Variants in TMEM178B observed in about 807,000 individuals in gnomAD.
The protein encoded by TMEM178B is transmembrane protein 178B.
A neutral mutation model predicts 31.0 loss-of-function variants in TMEM178B; 5 were observed. That is an observed-to-expected ratio of 0.16 (90% CI 0.08 to 0.34). The LOEUF (loss-of-function observed/expected upper bound fraction) is 0.34. TMEM178B is among the 10% of genes least tolerant of loss of function. TMEM178B has a pLI of 1.00. For synonymous variants in TMEM178B, 164 were observed against 164.0 expected (o/e 1.00, Z 0.00); for missense variants, 275 against 400.3 (o/e 0.69, Z 2.67).
chr7:141,449,987 C>CCTA (rs1426375878), intron 3 of TMEM178B, among the ~76,000 whole-genome samples: 1 of 152,172 alleles, frequency 6.6e-6, no homozygotes, highest in African/African-American at 2.4e-5. Flanking sequence ...ACCTGCTCAT[C>CCTA]CTAACAGAGT....
intron 1 of TMEM178B, among the ~76,000 whole-genome samples, chr7:141,084,448 A>G (rs1321451167): frequency 6.6e-6 from 1 of 152,220 alleles, no homozygotes; most frequent in East Asian, 1.9e-4. Flanking sequence ...TTCTGTCCTC[A>G]TGGAGCTAAA....
At position 141,170,606 on chromosome 7, in the gene TMEM178B, C is replaced by G. The variant is rs573019073; in HGVS notation, c.383-41985C>G. Reference sequence around the variant, plus strand: ...CTGTTACCGATGGTGTAACTGATTGCCTCTCAAATTCCCCCCCATATCTGC... The same window carrying G: ...CTGTTACCGATGGTGTAACTGATTGGCTCTCAAATTCCCCCCCATATCTGC... On this transcript the variant is annotated intron_variant, in intron 1 of 3. Transcript: ENST00000565468. Among the ~76,000 whole-genome samples, 8 of 152,256 alleles carry G rather than the reference C, an allele frequency of 5.3e-5. No individual in the cohort carries two copies. In the South Asian group the frequency reaches 1.7e-3, roughly 32 times the overall value.
chr7:141,454,165 C>T (rs952695113), intron 3 of TMEM178B, among the ~76,000 whole-genome samples: 3 of 152,006 alleles, frequency 2.0e-5, no homozygotes, highest in Admixed American at 1.3e-4. Flanking sequence ...CAGATAAGTT[C>T]GATCAAAATC....
chr7:141,112,875 G>A (rs1795256957), intron 1 of TMEM178B, among the ~76,000 whole-genome samples: 1 of 152,196 alleles, frequency 6.6e-6, no homozygotes, highest in Non-Finnish European at 1.5e-5. Flanking sequence ...TGGCCAGGAA[G>A]TGTATTTCAT....
At chr7:141,145,441 T>C (rs1795835820) in intron 1 of TMEM178B, among the ~76,000 whole-genome samples, 2 of 152,272 alleles carry the variant, frequency 1.3e-5, no homozygotes, top group Middle Eastern at 3.4e-3. Context: ...CTGGAAAAAT[T>C]CCTGGAAACT....
At chr7:141,490,514 C>T in the TMEM178B span, among the ~76,000 whole-genome samples, 1 of 152,168 alleles carries the variant, frequency 6.6e-6, no homozygotes, top group South Asian at 2.1e-4. Flanking sequence ...ACAGATTCTC[C>T]CTCACAGCCT....
chr7:141,258,479 T>C (rs1234910410), intron 2 of TMEM178B, among the ~76,000 whole-genome samples: 1 of 149,728 alleles, frequency 6.7e-6, no homozygotes, highest in Non-Finnish European at 1.5e-5. Context: ...ATAAATCTTA[T>C]GCCTTTTAAA....
intron 2 of TMEM178B, among the ~76,000 whole-genome samples, chr7:141,364,659 C>CA (rs980786132): frequency 0.023 from 1,070 of 47,446 alleles, 107 homozygotes; most frequent in Non-Finnish European, 0.025. Context: ...GACTCTGTCT[C>CA]AAAAAAAAAA....
chr7:141,310,823 C>T (rs1021957489), intron 2 of TMEM178B, among the ~76,000 whole-genome samples: 2 of 152,148 alleles, frequency 1.3e-5, no homozygotes, highest in Admixed American at 1.3e-4. Context: ...GAATATAAAT[C>T]ATTCTATTAT....
At chr7:141,235,763 C>T (rs543570625) in intron 2 of TMEM178B, among the ~76,000 whole-genome samples, 91 of 152,328 alleles carry the variant, frequency 6.0e-4, no homozygotes, top group African/African-American at 2.1e-3. Flanking sequence ...AGAGGATACT[C>T]CTAATCATAG....
chr7:141,335,913 A>G (rs1250536415), intron 2 of TMEM178B, among the ~76,000 whole-genome samples: 14 of 152,168 alleles, frequency 9.2e-5, no homozygotes, highest in Admixed American at 9.2e-4. Flanking sequence ...GCCGGGCTCT[A>G]TGCGTGAAGT....
intron 2 of TMEM178B, among the ~76,000 whole-genome samples, chr7:141,378,085 C>CT (rs2022478390): frequency 6.6e-6 from 1 of 152,152 alleles, no homozygotes; most frequent in African/African-American, 2.4e-5. Flanking sequence ...GTTTTTCAGC[C>CT]TTTCCTTATT....
At chr7:141,360,359 A>G (rs368434423) in intron 2 of TMEM178B, among the ~76,000 whole-genome samples, 3 of 152,232 alleles carry the variant, frequency 2.0e-5, no homozygotes, top group African/African-American at 4.8e-5. Flanking sequence ...CTTGGCCTCC[A>G]TGCATCAAAG....
chr7:141,205,132 G>A (rs931634093), intron 1 of TMEM178B, among the ~76,000 whole-genome samples: 2 of 152,126 alleles, frequency 1.3e-5, no homozygotes, highest in African/African-American at 4.8e-5. Context: ...GACTGATTTC[G>A]ATAAACTCTG....
chr7:141,417,663 C>T (rs1801124751), intron 2 of TMEM178B, among the ~76,000 whole-genome samples: 1 of 152,204 alleles, frequency 6.6e-6, no homozygotes. Flanking sequence ...CTACCCCCCA[C>T]CTAGCAAGCT....
chr7:141,135,142 A>G (rs551166338), intron 1 of TMEM178B, among the ~76,000 whole-genome samples: 1 of 152,350 alleles, frequency 6.6e-6, no homozygotes, highest in East Asian at 1.9e-4. Flanking sequence ...GAAGGTCATT[A>G]TATAATGATG....
intron 2 of TMEM178B, among the ~76,000 whole-genome samples, chr7:141,240,983 T>A (rs952361485): frequency 7.5e-6 from 1 of 133,934 alleles, no homozygotes; most frequent in African/African-American, 2.9e-5. Flanking sequence ...CATTGTCATG[T>A]CCTCTGGGAT....
At chr7:141,215,777 CCTTTCTTTCTTT>C (rs529722580) in intron 2 of TMEM178B, among the ~76,000 whole-genome samples, 4,789 of 111,928 alleles carry the variant, frequency 0.043, 197 homozygotes, top group South Asian at 0.081. Context: ...TATATACTTT[CCTTTCTTTCTTT>C]CTTTCTTTCT....
rs12532951 is a variant in TMEM178B at position 141,284,932 on chromosome 7, C to T, written c.496+72228C>T. On this transcript the variant is annotated intron_variant, in intron 2 of 3. Transcript: ENST00000565468. Reference sequence around the variant, plus strand: ...TTGAGAATAGTTCAGAGACCAGAGTCTAAGACCAATCAAGAAGAATGGATC... The same window carrying T: ...TTGAGAATAGTTCAGAGACCAGAGTTTAAGACCAATCAAGAAGAATGGATC... Among the ~76,000 whole-genome samples the T allele has an allele frequency of 2.2e-3, 340 of 152,026 alleles. 2 individuals are homozygous for T. Among genetic ancestry groups the T allele is most frequent in the African/African-American group, 7.5e-3 (311 of 41,494 alleles).
Sources: allele counts gnomAD v4.1 joint callset (sites outside exome capture counted in the v4.1 genomes callset), GRCh38; gene constraint gnomAD v4.1.1; transcripts MANE v1.5; gene names NCBI Gene and HGNC (gene_info 2026-07-23, HGNC 2026-07-21).